CPT1A: variants seen among roughly 807,000 people sequenced by gnomAD.
The protein encoded by CPT1A is carnitine palmitoyltransferase 1A.
Under a neutral mutation model 100.8 loss-of-function variants are expected in CPT1A, and 64 were observed. The ratio of observed to expected loss-of-function variants is 0.63; its 90% confidence interval spans 0.52 to 0.78. CPT1A has a LOEUF of 0.78. Among genes scored for constraint, CPT1A ranks in the 30% least tolerant of loss-of-function variants. The probability of loss-of-function intolerance (pLI) is 0.00; values close to 1 mark genes in which losing one functional copy is unlikely to be tolerated. For synonymous variants in CPT1A, 363 were observed against 396.0 expected (o/e 0.92, Z 0.99); for missense variants, 802 against 1,034.1 (o/e 0.78, Z 3.08).
chr11:68,816,770 GTGTGTGTGTGGTGT>G (rs956568320), intron 1 of CPT1A, among the ~76,000 whole-genome samples: 7 of 83,858 alleles, frequency 8.3e-5, no homozygotes, highest in Non-Finnish European at 1.8e-4. Context: ...GTGTGTGTGT[GTGTGTGTGTGGTGT>G]GTGTGTGTAT....
intron 1 of CPT1A, among the ~76,000 whole-genome samples, chr11:68,817,688 T>G (rs1594365996): frequency 2.4e-5 from 1 of 41,384 alleles, no homozygotes; most frequent in Non-Finnish European, 4.7e-5. Flanking sequence ...GGCAGGTGTC[T>G]GGGGTCAAGG....
chr11:68,787,740 G>A (rs1249608303), intron 9 of CPT1A, among the ~76,000 whole-genome samples: 1 of 151,848 alleles, frequency 6.6e-6, no homozygotes, highest in African/African-American at 2.4e-5. Flanking sequence ...TCAGGAGTTC[G>A]AGGCCAGCCT....
intron 1 of CPT1A, among the ~76,000 whole-genome samples, chr11:68,830,858 C>G (rs938598245): frequency 2.4e-4 from 36 of 152,254 alleles, no homozygotes; most frequent in African/African-American, 8.0e-4. Context: ...CCTGCACCAG[C>G]TGGCAAATGA....
chr11:68,767,511 C>A lies in CPT1A; in HGVS notation c.1741-4750G>T, dbSNP rs1854842022. On this transcript the variant is annotated intron_variant, in intron 14 of 18. Coordinates refer to ENST00000265641, the MANE Select transcript of CPT1A (RefSeq NM_001876.4). ...GACTGAGGTGGGAGGATCGCCAGCA[C>A]CCAGGGAGGTCGAGGATGCAGTAAG... Among the ~76,000 whole-genome samples, 4 of 152,252 alleles carry A rather than the reference C, an allele frequency of 2.6e-5. No individual in the cohort carries two copies. In the South Asian group the frequency reaches 8.3e-4, roughly 32 times the overall value.
At position 68,823,556 on chromosome 11, in the gene CPT1A, A is replaced by T. The variant is rs199757487; in HGVS notation, c.-13-8069T>A. Reference sequence around the variant, plus strand: ...GTAATCCCAGCACTTTGGGAGGCCGAGGCGGGAGGATCAACTGAGGTCAGG... The same window carrying T: ...GTAATCCCAGCACTTTGGGAGGCCGTGGCGGGAGGATCAACTGAGGTCAGG... On this transcript the variant is annotated intron_variant, in intron 1 of 18. Coordinates refer to ENST00000265641, the MANE Select transcript of CPT1A (RefSeq NM_001876.4). Among the ~76,000 whole-genome samples the T allele has an allele frequency of 1.6e-4, 25 of 152,190 alleles. No individual in the cohort carries two copies. The East Asian group carries it at 2.5e-3, about 15-fold the overall frequency.
intron 14 of CPT1A, among the ~76,000 whole-genome samples, chr11:68,767,231 A>C (rs1309272309): frequency 6.6e-6 from 1 of 152,274 alleles, no homozygotes; most frequent in African/African-American, 2.4e-5. Flanking sequence ...TATGAGCCAC[A>C]GTCTGCAGAT....
chr11:68,774,565 C>G (rs767763784), intron 13 of CPT1A, among the ~76,000 whole-genome samples: 1 of 151,732 alleles, frequency 6.6e-6, no homozygotes, highest in Non-Finnish European at 1.5e-5. Context: ...GCCTCAGCCT[C>G]CGGAGTAGCT....
Position 68,761,526 on chromosome 11 carries a change from G to A in CPT1A, c.2028+9C>T, listed in dbSNP as rs1300825876. 1.2e-6 allele frequency: 2 copies of A among 1,613,664 alleles called. No individual in the cohort carries two copies. Among genetic ancestry groups the A allele is most frequent in the South Asian group, 1.1e-5 (1 of 91,046 alleles). Reference sequence around the variant, plus strand: ...AATACAACTGACGGAAGAAGTGGAAGAGACTTACTTCCTTAAGGAAAGGGG... The same window carrying A: ...AATACAACTGACGGAAGAAGTGGAAAAGACTTACTTCCTTAAGGAAAGGGG... On this transcript the variant is annotated intron_variant, in intron 16 of 18. Transcript: ENST00000265641.
rs750998313 is a variant in CPT1A at position 68,807,515 on chromosome 11, C to T, written c.405G>A (p.Trp135Ter). 1.2e-6 allele frequency: 2 copies of T among 1,614,196 alleles called. No individual in the cohort carries two copies. Among genetic ancestry groups the T allele is most frequent in the African/African-American group, 1.3e-5 (1 of 75,058 alleles). The change falls in exon 4 of 19, where the codon TGG becomes TGA. Residue 135 changes from tryptophan to a stop codon, truncating the protein, a stop_gained. Transcript: ENST00000265641. LOFTEE classifies it high-confidence loss of function. Reference protein sequence around the residue: ...SLKVLLSYHGWMFTEHGKMSR... With the variant: ...SLKVLLSYHG Reference sequence around the variant, plus strand: ...TCATCTTGCCGTGCTCAGTGAACATCCACCCGTGGTAGGAGAGCAGCACTT... The same window carrying T: ...TCATCTTGCCGTGCTCAGTGAACATTCACCCGTGGTAGGAGAGCAGCACTT...
At chr11:68,838,751 A>C (rs1355105827) in intron 1 of CPT1A, among the ~76,000 whole-genome samples, 1 of 151,942 alleles carries the variant, frequency 6.6e-6, no homozygotes, top group Non-Finnish European at 1.5e-5. Flanking sequence ...TTGTTTGTAG[A>C]GACAGGGGTC....
At chr11:68,783,050 G>A (rs997841274) in intron 10 of CPT1A, among the ~76,000 whole-genome samples, 2 of 152,188 alleles carry the variant, frequency 1.3e-5, no homozygotes, top group East Asian at 1.9e-4. Context: ...ATCTTCACCC[G>A]AGATGCATCT....
At chr11:68,824,328 A>G (rs1336475584) in intron 1 of CPT1A, among the ~76,000 whole-genome samples, 1 of 151,968 alleles carries the variant, frequency 6.6e-6, no homozygotes, top group African/African-American at 2.4e-5. Flanking sequence ...GCAGCAGGGC[A>G]AGGGCTGAAA....
At chr11:68,827,052 A>T (rs1179807606) in intron 1 of CPT1A, among the ~76,000 whole-genome samples, 4 of 152,162 alleles carry the variant, frequency 2.6e-5, no homozygotes, top group African/African-American at 9.7e-5. Flanking sequence ...GCCAGTCACT[A>T]ATAAATTCCT....
intron 11 of CPT1A, 55 bp from the exon 12 acceptor site, chr11:68,780,800 A>G (rs992382312): frequency 7.6e-7 from 1 of 1,309,392 alleles, no homozygotes; most frequent in Non-Finnish European, 1.1e-6. Context: ...AACAATGAGG[A>G]GACATTGCAC....
At chr11:68,789,229 G>T (rs945204756) in intron 9 of CPT1A, among the ~76,000 whole-genome samples, 1 of 152,118 alleles carries the variant, frequency 6.6e-6, no homozygotes, top group Admixed American at 6.5e-5. Context: ...AGACCCTTAA[G>T]ATAAGTCTAT....
At chr11:68,825,913 A>C (rs1856714796) in intron 1 of CPT1A, among the ~76,000 whole-genome samples, 1 of 152,212 alleles carries the variant, frequency 6.6e-6, no homozygotes, top group Non-Finnish European at 1.5e-5. Flanking sequence ...CCATGGCTTC[A>C]CAGAGGCCAA....
chr11:68,769,968 G>C (rs1396084104), intron 14 of CPT1A, among the ~76,000 whole-genome samples: 1 of 151,586 alleles, frequency 6.6e-6, no homozygotes, highest in Non-Finnish European at 1.5e-5. Context: ...AGAATCACTT[G>C]AACCTGGGAG....
At chr11:68,825,340 A>C (rs886329848) in intron 1 of CPT1A, among the ~76,000 whole-genome samples, 1 of 152,100 alleles carries the variant, frequency 6.6e-6, no homozygotes, top group Non-Finnish European at 1.5e-5. Flanking sequence ...CAGATACTCC[A>C]AGTGCCCCAG....
At chr11:68,774,749 T>A (rs1196930056) in intron 13 of CPT1A, among the ~76,000 whole-genome samples, 1 of 136,112 alleles carries the variant, frequency 7.3e-6, no homozygotes, top group Non-Finnish European at 1.5e-5. Context: ...GCCATTGCAC[T>A]CCAGCCTGGG....
Sources: allele counts gnomAD v4.1 joint callset (sites outside exome capture counted in the v4.1 genomes callset), GRCh38; gene constraint gnomAD v4.1.1; transcripts MANE v1.5; gene names NCBI Gene and HGNC (gene_info 2026-07-23, HGNC 2026-07-21).